The following THSD7A variants were observed in gnomAD, a reference collection of about 807,000 sequenced individuals.
THSD7A encodes the protein thrombospondin type-1 domain-containing protein 7A.
Under a neutral mutation model 231.3 loss-of-function variants are expected in THSD7A, and 96 were observed. That is an observed-to-expected ratio of 0.41 (90% CI 0.35 to 0.49). The LOEUF (loss-of-function observed/expected upper bound fraction) is 0.49, where lower values mean the gene tolerates loss of function less well. THSD7A is among the 20% of genes least tolerant of loss of function. The pLI is 0.05. For missense variants in THSD7A, 2,290 were observed against 2,070.2 expected, an observed-to-expected ratio of 1.11 and a Z score of -2.06; for synonymous variants, 940 against 743.3, an observed-to-expected ratio of 1.26 and a Z score of -4.30.
chr7:11,704,374 T>C (rs1201528935), intron 1 of THSD7A, among the ~76,000 whole-genome samples: 1 of 150,980 alleles, frequency 6.6e-6, no homozygotes, highest in Non-Finnish European at 1.5e-5. Flanking sequence ...TTGATGGAAT[T>C]ATAATGTTTT....
chr7:11,809,945 T>C (rs1398142699), intron 1 of THSD7A, among the ~76,000 whole-genome samples: 1 of 152,104 alleles, frequency 6.6e-6, no homozygotes, highest in Non-Finnish European at 1.5e-5. Context: ...CAATGGGCTG[T>C]ATAAGAAAGT....
rs987025637 is a variant in THSD7A, at chr7:11,483,053, TATA to T, written c.1823-1074_1823-1072del. 7.6e-4 allele frequency among the ~76,000 whole-genome samples: 116 copies of T among 152,130 alleles called. 3 individuals carry two copies. The highest frequency in any genetic ancestry group is 2.9e-5 in the Non-Finnish European group (2 of 68,014). ...ATTAACCTGCTATTTTGGCACAGAA[TATA>T]ATCATAATTCTGGGTGAATATATAA... On this transcript the variant is annotated intron_variant, in intron 6 of 27. Coordinates refer to ENST00000423059, the MANE Select transcript of THSD7A (RefSeq NM_015204.3).
Position 11,637,566 on chromosome 7 carries a change from T to C in THSD7A, c.191-605A>G, listed in dbSNP as rs980667089. The stretch of plus-strand genomic sequence containing the variant: ...CAAAAATCTTCATTTACACACATTC[T>C]GCCTTTAAATTTACCAAATTTCCCC... On this transcript the variant is annotated intron_variant, in intron 1 of 27. Transcript: ENST00000423059. The surrounding 1 kb of genome is among the most constrained non-coding windows in gnomAD (Gnocchi z 4.2). Among the ~76,000 whole-genome samples, 3 of 146,484 alleles carry C rather than the reference T, an allele frequency of 2.0e-5. No individual in the cohort carries two copies. Among genetic ancestry groups the C allele is most frequent in the Non-Finnish European group, 3.0e-5 (2 of 66,532 alleles).
At chr7:11,662,824 AAAG>A (rs1192651422) in intron 1 of THSD7A, among the ~76,000 whole-genome samples, 1 of 151,438 alleles carries the variant, frequency 6.6e-6, no homozygotes, top group Non-Finnish European at 1.5e-5. Context: ...CACATGGATC[AAAG>A]AAGGAGTCAC....
intron 1 of THSD7A, among the ~76,000 whole-genome samples, chr7:11,803,417 C>T (rs1363369768): frequency 6.6e-6 from 1 of 152,032 alleles, no homozygotes; most frequent in Non-Finnish European, 1.5e-5. Flanking sequence ...TCCATTTTGG[C>T]ATAAATGGGT....
chr7:11,609,623 G>A (rs1780854807), intron 2 of THSD7A, among the ~76,000 whole-genome samples: 1 of 152,122 alleles, frequency 6.6e-6, no homozygotes, highest in Non-Finnish European at 1.5e-5. Flanking sequence ...AGATACGGAA[G>A]AACTGAAGCA....
intron 1 of THSD7A, among the ~76,000 whole-genome samples, chr7:11,712,076 G>A (rs1562495338): frequency 6.6e-6 from 1 of 151,120 alleles, no homozygotes; most frequent in East Asian, 2.0e-4. Flanking sequence ...TCAGGAAAGA[G>A]ACTATGCAAA....
rs1172724174 is a variant in THSD7A, at chr7:11,584,368, A to G, written c.1453+6092T>C. 2.0e-5 allele frequency among the ~76,000 whole-genome samples: 3 copies of G among 152,294 alleles called. No homozygotes were observed. In the East Asian group the frequency reaches 5.8e-4, roughly 29 times the overall value. On this transcript the variant is annotated intron_variant, in intron 4 of 27. Coordinates refer to ENST00000423059, the MANE Select transcript of THSD7A (RefSeq NM_015204.3). ...AAACAAAAATATGTATTTTTACTTC[A>G]TAATTACTCTTAAATTTTTAACATG... is the stretch of plus-strand genomic sequence containing the variant.
At chr7:11,546,189 G>GGTGCGGGCGTGTGT (rs1211087296) in intron 4 of THSD7A, among the ~76,000 whole-genome samples, 2 of 84,234 alleles carry the variant, frequency 2.4e-5, no homozygotes, top group African/African-American at 1.3e-4. Flanking sequence ...TGTTGTTGCT[G>GGTGCGGGCGTGTGT]GTGTGGGCGC....
chr7:11,421,430 C>A (rs1784139082), intron 16 of THSD7A, among the ~76,000 whole-genome samples: 1 of 149,958 alleles, frequency 6.7e-6, no homozygotes, highest in African/African-American at 2.5e-5. Flanking sequence ...CTGAAGGCTC[C>A]CGAGCCATGT....
chr7:11,709,533 C>T (rs1241891337), intron 1 of THSD7A, among the ~76,000 whole-genome samples: 1 of 150,732 alleles, frequency 6.6e-6, no homozygotes, highest in East Asian at 2.0e-4. Flanking sequence ...AACCAGGAAT[C>T]CCTTCTCTAC....
At chr7:11,515,900 G>C (rs1266270288) in intron 6 of THSD7A, among the ~76,000 whole-genome samples, 1 of 152,152 alleles carries the variant, frequency 6.6e-6, no homozygotes, top group Admixed American at 6.5e-5. Context: ...TCATAACTGT[G>C]ACTGCCCAAA....
intron 1 of THSD7A, among the ~76,000 whole-genome samples, chr7:11,713,805 AG>A (rs1279138318): frequency 6.6e-6 from 1 of 151,228 alleles, no homozygotes; most frequent in Non-Finnish European, 1.5e-5. Context: ...AATTCCTATC[AG>A]TGGGTGCTGA....
intron 23 of THSD7A, chr7:11,384,661 G>A (rs1318429547): frequency 6.6e-6 from 1 of 151,882 alleles, no homozygotes; most frequent in Non-Finnish European, 1.5e-5. Flanking sequence ...AGAATTTGTC[G>A]TGGAGATTCT....
At chr7:11,817,813 T>C (rs542404515) in intron 1 of THSD7A, among the ~76,000 whole-genome samples, 43 of 152,284 alleles carry the variant, frequency 2.8e-4, no homozygotes, top group African/African-American at 9.9e-4. Context: ...TCCTAATAAA[T>C]AACAAAATTA....
chr7:11,598,260 G>A (rs975938798), intron 2 of THSD7A, among the ~76,000 whole-genome samples: 1 of 152,208 alleles, frequency 6.6e-6, no homozygotes, highest in Non-Finnish European at 1.5e-5. Flanking sequence ...AGAAATTTGG[G>A]GAAGAGGTGT....
chr7:11,527,473 G>C (rs1184766454), intron 6 of THSD7A, among the ~76,000 whole-genome samples: 2 of 152,144 alleles, frequency 1.3e-5, no homozygotes, highest in East Asian at 1.9e-4. Flanking sequence ...TGTAAGGACA[G>C]TTGATGTTTT....
chr7:11,686,351 A>G (rs1417633116), intron 1 of THSD7A, among the ~76,000 whole-genome samples: 1 of 151,892 alleles, frequency 6.6e-6, no homozygotes, highest in African/African-American at 2.4e-5. Flanking sequence ...TAATAAAAGG[A>G]GCTATTAAAA....
At chr7:11,688,924 A>G (rs1780147951) in intron 1 of THSD7A, among the ~76,000 whole-genome samples, 1 of 151,876 alleles carries the variant, frequency 6.6e-6, no homozygotes, top group South Asian at 2.1e-4. Flanking sequence ...TATAATAAAA[A>G]TAGACTTCAT....
Sources: gnomAD v4.1 joint callset for allele counts (sites outside exome capture counted in the v4.1 genomes callset) on GRCh38, gnomAD v4.1.1 for gene constraint, Gnocchi (gnomAD v3.1) non-coding constraint, MANE v1.5 for transcripts, NCBI Gene and HGNC (gene_info 2026-07-23, HGNC 2026-07-21) for gene names.